The following KLC1 variants were observed in gnomAD, a reference collection of about 807,000 sequenced individuals.
KLC1 encodes the protein kinesin 2 60/70kDa.
A neutral mutation model predicts 84.2 loss-of-function variants in KLC1; 30 were observed. The ratio of observed to expected loss-of-function variants is 0.36; its 90% CI spans 0.27 to 0.48. The LOEUF (loss-of-function observed/expected upper bound fraction) is 0.48. Among genes scored for constraint, KLC1 ranks in the 20% least tolerant of loss-of-function variants. The probability of loss-of-function intolerance (pLI) is 0.99; values close to 1 mark genes in which losing one functional copy is unlikely to be tolerated. For synonymous variants in KLC1, 289 were observed against 293.3 expected, an observed-to-expected ratio of 0.99 and a Z score of 0.15; for missense variants, 499 against 805.4, an observed-to-expected ratio of 0.62 and a Z score of 4.60.
chr14:103,698,437 C>G, intron 15 of KLC1: 1 of 341,932 alleles, frequency 2.9e-6, no homozygotes, highest in South Asian at 2.5e-5. Context: ...TCAGACGCAA[C>G]CCCAGTTGGG....
chr14:103,672,946 A>C (rs1033332443), intron 7 of KLC1, 68 bp from the exon 8 acceptor site: 1 of 1,390,378 alleles, frequency 7.2e-7, no homozygotes, highest in East Asian at 2.3e-5. Flanking sequence ...CTGATGTGAC[A>C]GTAGGGTGGA....
rs1364373505 is a variant in KLC1 at position 103,687,220 on chromosome 14, C to T, written c.1781+9C>T. The T allele has an allele frequency of 6.5e-7, 1 of 1,535,850 alleles. No homozygotes were observed. On this transcript the variant is annotated intron_variant, in intron 14 of 16. Coordinates refer to ENST00000334553, the MANE Select transcript of KLC1 (RefSeq NM_001394837.1). ...GAGCCAAAGAACCCCGGGTAACTAT[C>T]TCTTCCAGCTCTCCCGACTCCCTGC...
At position 103,694,251 on chromosome 14, in the gene KLC1, T is replaced by A. The variant is rs1266290044; in HGVS notation, c.1848+1826T>A. 1 of 167,450 alleles carries A rather than the reference T, an allele frequency of 6.0e-6. No homozygotes were observed. Among genetic ancestry groups the A allele is most frequent in the Non-Finnish European group, 8.2e-6 (1 of 121,436 alleles). 10.4% of individuals were successfully genotyped at this position (167,450 alleles called of 1,614,324 possible). A position where few individuals can be genotyped will look rare whatever the true frequency, so the allele number is the denominator to read the frequency against. The stretch of plus-strand genomic sequence containing the variant: ...AAGCCCATAGAGACGTGTGTTTCAC[T>A]TTTTTTTTTTTTTTTTTTGAGACGG... On this transcript the variant is annotated intron_variant, in intron 15 of 16. Coordinates refer to ENST00000334553, the MANE Select transcript of KLC1 (RefSeq NM_001394837.1). The surrounding 1 kb of genome is among the most constrained non-coding windows in gnomAD (Gnocchi z 4.5).
In KLC1 at chr14:103,693,516, G is replaced by A. The variant is rs2082240341; in HGVS notation, c.1848+1091G>A. On this transcript the variant is annotated intron_variant, in intron 15 of 16. Transcript: ENST00000334553. The surrounding 1 kb of genome is among the most constrained non-coding windows in gnomAD (Gnocchi z 5.1). ...TGAAGCTGGCATCATTTGAAGTCCT[G>A]GTTAAGTGTAATTTTTCTATTTGTT... 1 of 1,535,606 alleles carries A rather than the reference G, an allele frequency of 6.5e-7. No individual in the cohort carries two copies. The highest frequency in any genetic ancestry group is 1.2e-5 in the South Asian group (1 of 84,004).
At chr14:103,681,295 C>T (rs1175211628) in intron 13 of KLC1, among the ~76,000 whole-genome samples, 1 of 152,094 alleles carries the variant, frequency 6.6e-6, no homozygotes, top group Non-Finnish European at 1.5e-5. Context: ...GGAGGCAGCC[C>T]CCTCTTCAGA....
At chr14:103,688,644 CG>C (rs2081926934) in intron 14 of KLC1, among the ~76,000 whole-genome samples, 1 of 151,866 alleles carries the variant, frequency 6.6e-6, no homozygotes, top group Non-Finnish European at 1.5e-5. Flanking sequence ...GAGTCTCTGT[CG>C]TGGATGGAGA....
At chr14:103,674,717 G>C (rs566206005) in intron 9 of KLC1, among the ~76,000 whole-genome samples, 1 of 152,204 alleles carries the variant, frequency 6.6e-6, no homozygotes, top group Admixed American at 6.5e-5. Flanking sequence ...ACCCGGCCTT[G>C]ATTTGTATCT....
At chr14:103,661,461 A>C (rs943197387) in intron 3 of KLC1, among the ~76,000 whole-genome samples, 9 of 152,180 alleles carry the variant, frequency 5.9e-5, no homozygotes, top group Admixed American at 1.3e-4. Flanking sequence ...CATCCCAGAC[A>C]GGAATATTCT....
chr14:103,632,830 G>A (rs1475157213), intron 1 of KLC1, among the ~76,000 whole-genome samples: 2 of 152,194 alleles, frequency 1.3e-5, no homozygotes, highest in African/African-American at 4.8e-5. Context: ...CACTGAGGAG[G>A]CGATTCTTCA....
intron 1 of KLC1, among the ~76,000 whole-genome samples, chr14:103,639,620 T>C (rs544742983): frequency 2.5e-4 from 37 of 150,974 alleles, no homozygotes; most frequent in Admixed American, 1.2e-3. Context: ...TTTTTATTTT[T>C]GTAGAGACAG....
At chr14:103,636,353 C>A (rs564740560) in intron 1 of KLC1, among the ~76,000 whole-genome samples, 1 of 152,106 alleles carries the variant, frequency 6.6e-6, no homozygotes, top group Non-Finnish European at 1.5e-5. Context: ...TCCTGAGTAT[C>A]TGGGATTACA....
intron 1 of KLC1, among the ~76,000 whole-genome samples, chr14:103,632,986 C>G (rs116681433): frequency 1.3e-5 from 2 of 151,666 alleles, no homozygotes; most frequent in Middle Eastern, 3.5e-3. Context: ...TGTGGAAAGA[C>G]GAGGTTAGGA....
At chr14:103,649,711 T>C (rs1024591788) in intron 1 of KLC1, among the ~76,000 whole-genome samples, 8 of 151,822 alleles carry the variant, frequency 5.3e-5, no homozygotes, top group Admixed American at 5.2e-4. Flanking sequence ...TTTTTTTTTT[T>C]TCGAGACGGA....
intron 5 of KLC1, 131 bp from the exon 6 acceptor site, chr14:103,669,380 G>C: frequency 1.9e-6 from 1 of 538,838 alleles, no homozygotes; most frequent in South Asian, 2.3e-5. Context: ...GTTGCAGTGA[G>C]CCAAGATGGC....
At chr14:103,654,434 A>G in intron 1 of KLC1, 130 bp from the exon 2 acceptor site, 2 of 662,468 alleles carry the variant, frequency 3.0e-6, no homozygotes, top group Non-Finnish European at 4.8e-6. Flanking sequence ...TTTCAAGGTC[A>G]TAAATTACAA....
chr14:103,654,598 A>G lies in KLC1; in HGVS notation c.34A>G (p.Lys12Glu). The change falls in exon 2 of 17, where the codon AAG (lysine) becomes GAG (glutamate). Residue 12 changes from lysine (K) to glutamate (E), a missense_variant. Coordinates refer to ENST00000334553, the MANE Select transcript of KLC1 (RefSeq NM_001394837.1). ...CAACATGTCCACAATGGTGTACATA[A>G]AGGAAGACAAGTTGGAGAAGCTTAC... ...YDNMSTMVYI[K>E]EDKLEKLTQD... 6.2e-7 allele frequency: 1 copy of G among 1,614,012 alleles called. No individual in the cohort carries two copies. The highest frequency in any genetic ancestry group is 8.5e-7 in the Non-Finnish European group (1 of 1,179,938).
Position 103,655,640 on chromosome 14 carries a change from C to A in KLC1, c.261+815C>A, listed in dbSNP as rs186534154. 9.3e-4 allele frequency among the ~76,000 whole-genome samples: 141 copies of A among 152,040 alleles called. 1 individual carries two copies. Among genetic ancestry groups the A allele is most frequent in the Middle Eastern group, 3.4e-3 (1 of 294 alleles). On this transcript the variant is annotated intron_variant, in intron 2 of 16. Transcript: ENST00000334553. ...TTTTATTTTTTTGAGACAGTGTTTG[C>A]TCTCGCCGCCCAGGCTGGAGTGCAA...
chr14:103,651,575 C>T (rs1043768798), intron 1 of KLC1, among the ~76,000 whole-genome samples: 5 of 152,144 alleles, frequency 3.3e-5, no homozygotes, highest in Non-Finnish European at 1.5e-5. Context: ...AATATACATG[C>T]CGCTGTCTGT....
intron 15 of KLC1, chr14:103,696,881 T>C (rs1181433301): frequency 1.2e-6 from 1 of 833,616 alleles, no homozygotes; most frequent in Non-Finnish European, 1.3e-6. Flanking sequence ...GGATGGTCAG[T>C]GTTCTGGGAC....
Sources: allele counts gnomAD v4.1 joint callset (sites outside exome capture counted in the v4.1 genomes callset), GRCh38; gene constraint gnomAD v4.1.1; non-coding constraint Gnocchi (gnomAD v3.1); transcripts MANE v1.5; gene names NCBI Gene and HGNC (gene_info 2026-07-23, HGNC 2026-07-21).